CACNA1C: variants seen among roughly 807,000 people sequenced by gnomAD.
CACNA1C encodes the protein calcium voltage-gated channel subunit alpha1 C.
CACNA1C carries 30 observed loss-of-function variants against 229.0 expected under a neutral mutation model. The observed-to-expected ratio is 0.13, with a 90% CI of 0.10 to 0.18. The LOEUF is 0.18. Ranked by LOEUF, CACNA1C falls within the 10% of genes least tolerant of loss-of-function variation. CACNA1C has a pLI of 1.00. For missense variants in CACNA1C, 1,658 were observed against 2,845.0 expected (o/e 0.58, Z 9.49); for synonymous variants, 1,114 against 1,132.5 (o/e 0.98, Z 0.33).
At chr12:2,337,062 C>T (rs529677646) in intron 3 of CACNA1C, among the ~76,000 whole-genome samples, 3 of 152,312 alleles carry the variant, frequency 2.0e-5, no homozygotes, top group South Asian at 2.1e-4. Context: ...GCTACGTCCT[C>T]GGTCCTTTGC....
chr12:2,562,657 A>G (rs2048114471), intron 11 of CACNA1C, among the ~76,000 whole-genome samples: 1 of 152,142 alleles, frequency 6.6e-6, no homozygotes. Flanking sequence ...ACCCTCCACC[A>G]TCCTCCCTCG....
intron 32 of CACNA1C, among the ~76,000 whole-genome samples, chr12:2,652,589 C>T (rs539302322): frequency 3.9e-5 from 6 of 152,332 alleles, no homozygotes; most frequent in Non-Finnish European, 1.5e-5. Context: ...TGTGCCCCAC[C>T]CTGGCCAGTC....
intron 1 of CACNA1C, among the ~76,000 whole-genome samples, chr12:2,097,380 T>C (rs1288026412): frequency 1.3e-5 from 2 of 152,046 alleles, no homozygotes; most frequent in African/African-American, 2.4e-5. Context: ...TCTCCTGACC[T>C]TGTGATCCGC....
rs573217074 is a variant in CACNA1C at position 2,532,006 on chromosome 12, T to A, written c.1391-17937T>A. ...AGGTCTTCCAGCTGACACCTGCAGCTATTGAGTGACAGTGGAAAGACAGTG... is the reference window on the plus strand; with the variant it reads ...AGGTCTTCCAGCTGACACCTGCAGCAATTGAGTGACAGTGGAAAGACAGTG... On this transcript the variant is annotated intron_variant, in intron 9 of 46. Transcript: ENST00000399655. Among the ~76,000 whole-genome samples the A allele has an allele frequency of 3.3e-5, 5 of 152,306 alleles. No homozygotes were observed. The East Asian group carries it at 9.7e-4, about 29-fold the overall frequency.
intron 3 of CACNA1C, among the ~76,000 whole-genome samples, chr12:2,305,172 C>T (rs2094914372): frequency 6.6e-6 from 1 of 152,160 alleles, no homozygotes; most frequent in African/African-American, 2.4e-5. Flanking sequence ...TTTCTTTATT[C>T]AGTTTGGTTT....
chr12:2,249,380 T>C (rs2074650846), intron 3 of CACNA1C, among the ~76,000 whole-genome samples: 1 of 152,214 alleles, frequency 6.6e-6, no homozygotes. Flanking sequence ...TGACTGTTTC[T>C]CTGCAGCAGC....
rs1256236312 is a variant in CACNA1C at position 2,693,401 on chromosome 12, T to TA, written c.*2206dup. On this transcript the variant is annotated 3_prime_UTR_variant, in exon 47 of 47. Coordinates refer to ENST00000399655, the MANE Select transcript of CACNA1C (RefSeq NM_000719.7). The stretch of plus-strand genomic sequence containing the variant: ...GGAAAGTGTACACTAACCGGGAGGA[T>TA]AAAATTAAAGTCAGGCTGCTTGGAG... The TA allele has an allele frequency of 1.3e-5, 2 of 152,280 alleles. No individual in the cohort carries two copies. The highest frequency in any genetic ancestry group is 3.9e-4 in the East Asian group (2 of 5,174). 9.4% of individuals were successfully genotyped at this position (152,280 alleles called of 1,614,324 possible). A position where few individuals can be genotyped will look rare whatever the true frequency, so the allele number is the denominator to read the frequency against.
chr12:2,195,621 AG>A (rs1332032860), intron 3 of CACNA1C, among the ~76,000 whole-genome samples: 2 of 152,224 alleles, frequency 1.3e-5, no homozygotes, highest in Non-Finnish European at 2.9e-5. Context: ...TGTAGGAAGC[AG>A]GGGTAGGGAT....
At chr12:2,402,062 A>G (rs975149358) in intron 3 of CACNA1C, among the ~76,000 whole-genome samples, 9 of 152,398 alleles carry the variant, frequency 5.9e-5, no homozygotes, top group Admixed American at 4.6e-4. Flanking sequence ...AGAGAAGATG[A>G]ATACAAGCTG....
chr12:2,561,348 G>T (rs987270393), intron 11 of CACNA1C, among the ~76,000 whole-genome samples: 3 of 152,336 alleles, frequency 2.0e-5, no homozygotes, highest in Non-Finnish European at 2.9e-5. Flanking sequence ...CTCAGGCCCT[G>T]CTGTGACTGC....
Position 2,682,652 on chromosome 12 carries a change from T to C in CACNA1C, c.5547T>C (p.Ser1849=), listed in dbSNP as rs772566021. The C allele has an allele frequency of 2.5e-6, 4 of 1,611,774 alleles. No individual in the cohort carries two copies. The East Asian group carries it at 6.7e-5, about 27-fold the overall frequency. ...VKMNHDTEAC[S]EPSLLSTEML... ...TGAACCATGACACGGAGGCCTGCAG[T>C]GAGCCCAGCCTGCTCTCCACAGAGA... is the stretch of plus-strand genomic sequence containing the variant. Residue 1849 remains serine (S), a synonymous_variant, in exon 43 of 47, where the codon AGT becomes AGC. Coordinates refer to ENST00000399655, the MANE Select transcript of CACNA1C (RefSeq NM_000719.7).
intron 3 of CACNA1C, among the ~76,000 whole-genome samples, chr12:2,138,780 C>T (rs1052495310): frequency 2.6e-5 from 4 of 151,116 alleles, no homozygotes; most frequent in Non-Finnish European, 3.0e-5. Context: ...CCTGCAGAAC[C>T]GTGAGCCAAA....
chr12:2,536,413 G>A (rs1007025996), intron 9 of CACNA1C, among the ~76,000 whole-genome samples: 1 of 152,138 alleles, frequency 6.6e-6, no homozygotes, highest in Admixed American at 6.5e-5. Context: ...GTGCATCAAT[G>A]GTGAGTGAGA....
Position 2,053,888 on chromosome 12 carries a change from A to G in CACNA1C, c.49+277A>G, listed in dbSNP as rs1392858908. On this transcript the variant is annotated intron_variant, in intron 1 of 46. Coordinates refer to ENST00000399655, the MANE Select transcript of CACNA1C (RefSeq NM_000719.7). This position sits in a 1 kb window ranked among gnomAD's most constrained non-coding sequence, Gnocchi z 5.8. ...CCTGTGAAATTCCAGGCGAGGGGGG[A>G]AAAGTTCCCCAAGTGGCTGCCGCCG... is the stretch of plus-strand genomic sequence containing the variant. 4.8e-5 allele frequency among the ~76,000 whole-genome samples: 7 copies of G among 146,962 alleles called. No homozygotes were observed. The East Asian group carries it at 1.4e-3, about 30-fold the overall frequency.
chr12:2,192,402 T>G (rs1223621875), intron 3 of CACNA1C, among the ~76,000 whole-genome samples: 4 of 152,030 alleles, frequency 2.6e-5, no homozygotes, highest in Non-Finnish European at 5.9e-5. Flanking sequence ...GCTCCAAGCC[T>G]TCTTCTGCGC....
intron 29 of CACNA1C, chr12:2,614,454 A>G (rs1258738871): frequency 1.3e-5 from 2 of 152,226 alleles, no homozygotes; most frequent in African/African-American, 2.4e-5. Context: ...TTACTGAGCT[A>G]TGTTCTTCAT....
chr12:2,232,392 A>G (rs2065690867), intron 3 of CACNA1C, among the ~76,000 whole-genome samples: 1 of 152,000 alleles, frequency 6.6e-6, no homozygotes, highest in African/African-American at 2.4e-5. Flanking sequence ...TTGCATACTA[A>G]ATGCATACTT....
At chr12:2,083,394 G>A (rs1361645863) in intron 1 of CACNA1C, among the ~76,000 whole-genome samples, 1 of 152,172 alleles carries the variant, frequency 6.6e-6, no homozygotes, top group African/African-American at 2.4e-5. Context: ...TGTTTTGGTG[G>A]CCAAGAGCAT....
At chr12:2,039,822 G>T (rs2049771630) in intron 1 of CACNA1C, among the ~76,000 whole-genome samples, 1 of 151,602 alleles carries the variant, frequency 6.6e-6, no homozygotes, top group South Asian at 2.1e-4. Context: ...GGCCATAGGG[G>T]TGAGCATCCC....
Sources: allele counts gnomAD v4.1 joint callset (sites outside exome capture counted in the v4.1 genomes callset), GRCh38; gene constraint gnomAD v4.1.1; non-coding constraint Gnocchi (gnomAD v3.1); transcripts MANE v1.5; gene names NCBI Gene and HGNC (gene_info 2026-07-23, HGNC 2026-07-21).